The following CTNNA2 variants were observed in gnomAD, a reference collection of about 807,000 sequenced individuals.
CTNNA2 encodes the protein catenin alpha-2.
Under a neutral mutation model 101.0 loss-of-function variants are expected in CTNNA2, and 42 were observed. The ratio of observed to expected loss-of-function variants is 0.42; its 90% CI spans 0.32 to 0.54. CTNNA2 has a LOEUF of 0.54. CTNNA2 is among the 20% of genes least tolerant of loss of function. The pLI, the probability that CTNNA2 is intolerant of heterozygous loss-of-function variation, is 0.14. For missense variants in CTNNA2, 871 were observed against 1,223.1 expected, an observed-to-expected ratio of 0.71 and a Z score of 4.29; for synonymous variants, 450 against 456.4, an observed-to-expected ratio of 0.99 and a Z score of 0.18.
chr2:80,511,842 A>T (rs1688724855), intron 9 of CTNNA2, among the ~76,000 whole-genome samples: 1 of 152,128 alleles, frequency 6.6e-6, no homozygotes, highest in Non-Finnish European at 1.5e-5. Flanking sequence ...GATTTTACAA[A>T]ATCACTTCGT....
intron 7 of CTNNA2, among the ~76,000 whole-genome samples, chr2:80,126,210 C>A (rs371461997): frequency 6.6e-6 from 1 of 152,078 alleles, no homozygotes; most frequent in Non-Finnish European, 1.5e-5. Context: ...ATTTGCAAAA[C>A]TCAAATCTAA....
At chr2:80,494,848 G>T (rs1687328779) in intron 9 of CTNNA2, among the ~76,000 whole-genome samples, 1 of 150,076 alleles carries the variant, frequency 6.7e-6, no homozygotes, top group Admixed American at 6.6e-5. Context: ...CCAGTTCCAA[G>T]GCAAATGCAA....
chr2:80,142,264 G>A (rs1166098798), intron 7 of CTNNA2, among the ~76,000 whole-genome samples: 1 of 152,126 alleles, frequency 6.6e-6, no homozygotes, highest in Non-Finnish European at 1.5e-5. Flanking sequence ...ACCCTTACCT[G>A]TAAGTCATTG....
intron 7 of CTNNA2, among the ~76,000 whole-genome samples, chr2:80,392,811 G>T (rs982598214): frequency 6.6e-6 from 1 of 152,010 alleles, no homozygotes; most frequent in African/African-American, 2.4e-5. Context: ...AATCTTTTTC[G>T]ATTTAGTTTT....
chr2:79,921,217 C>T (rs1686630509), intron 7 of CTNNA2, among the ~76,000 whole-genome samples: 2 of 152,132 alleles, frequency 1.3e-5, no homozygotes, highest in African/African-American at 2.4e-5. Context: ...TTCTTATGAG[C>T]AGGCATGTTA....
chr2:79,421,399 A>G (rs942076105), intron 4 of CTNNA2, among the ~76,000 whole-genome samples: 1 of 152,184 alleles, frequency 6.6e-6, no homozygotes, highest in Non-Finnish European at 1.5e-5. Context: ...AAGAAAAAAA[A>G]TTATCCGAAA....
At chr2:79,238,638 G>A (rs1360025397) in intron 2 of CTNNA2, among the ~76,000 whole-genome samples, 2 of 152,168 alleles carry the variant, frequency 1.3e-5, no homozygotes, top group East Asian at 3.9e-4. Context: ...TGCTAATGTA[G>A]AATTTTGAGG....
At chr2:79,455,572 T>C (rs1019048085) in intron 4 of CTNNA2, among the ~76,000 whole-genome samples, 10 of 152,192 alleles carry the variant, frequency 6.6e-5, no homozygotes, top group African/African-American at 2.4e-4. Context: ...TCCCTTGTTG[T>C]TGTCTATTAC....
chr2:80,433,801 T>C (rs1241395231), intron 9 of CTNNA2, among the ~76,000 whole-genome samples: 2 of 152,212 alleles, frequency 1.3e-5, no homozygotes, highest in Non-Finnish European at 2.9e-5. Flanking sequence ...TATATGCTTG[T>C]AGATTCTAGT....
intron 9 of CTNNA2, among the ~76,000 whole-genome samples, chr2:80,484,199 G>T (rs12622669): frequency 6.6e-6 from 1 of 151,850 alleles, no homozygotes; most frequent in African/African-American, 2.4e-5. Context: ...ACTTATGTGT[G>T]GAATTCTGAA....
chr2:79,635,239 G>A (rs185202613), intron 1 of CTNNA2, among the ~76,000 whole-genome samples: 6 of 151,950 alleles, frequency 3.9e-5, no homozygotes, highest in Admixed American at 2.6e-4. Context: ...AGACCATCCC[G>A]GCTAACACGG....
intron 7 of CTNNA2, among the ~76,000 whole-genome samples, chr2:80,037,994 T>C (rs184943130): frequency 9.8e-5 from 15 of 152,302 alleles, no homozygotes; most frequent in African/African-American, 3.6e-4. Flanking sequence ...AGAGACCTAA[T>C]TGGGGGTGAT....
At chr2:79,418,185 C>T (rs1176351986) in intron 4 of CTNNA2, among the ~76,000 whole-genome samples, 4 of 151,994 alleles carry the variant, frequency 2.6e-5, no homozygotes, top group South Asian at 2.1e-4. Context: ...CTCAAAAGGC[C>T]GATCTTGGGT....
At chr2:80,639,176 G>A (rs1673178003) in intron 18 of CTNNA2, among the ~76,000 whole-genome samples, 1 of 152,066 alleles carries the variant, frequency 6.6e-6, no homozygotes, top group Admixed American at 6.6e-5. Flanking sequence ...CACTTATCAG[G>A]GATCAGTATG....
At chr2:79,375,566 T>C (rs1677961662) in intron 4 of CTNNA2, among the ~76,000 whole-genome samples, 1 of 152,120 alleles carries the variant, frequency 6.6e-6, no homozygotes, top group Admixed American at 6.6e-5. Context: ...TAAGAAATAC[T>C]GAGACCTTCA....
At chr2:79,644,185 C>T (rs1192361453) in intron 1 of CTNNA2, among the ~76,000 whole-genome samples, 2 of 152,008 alleles carry the variant, frequency 1.3e-5, no homozygotes, top group African/African-American at 2.4e-5. Context: ...TCACAGGTGG[C>T]CACCACCACA....
At chr2:79,535,699 C>G (rs1307605208) in intron 1 of CTNNA2, among the ~76,000 whole-genome samples, 1 of 151,756 alleles carries the variant, frequency 6.6e-6, no homozygotes, top group African/African-American at 2.4e-5. Context: ...GGTATGAATG[C>G]TATCAGAATT....
intron 7 of CTNNA2, among the ~76,000 whole-genome samples, chr2:80,184,604 C>G (rs1705991746): frequency 6.6e-6 from 1 of 152,088 alleles, no homozygotes; most frequent in African/African-American, 2.4e-5. Flanking sequence ...TCAAGGAGAG[C>G]CATTTTGACC....
intron 7 of CTNNA2, chr2:80,305,371 A>G (rs1676829908): frequency 1.0e-6 from 1 of 985,206 alleles, no homozygotes; most frequent in South Asian, 4.7e-5. Context: ...CCGGGGCTTC[A>G]TCAGGCTCCA....
Sources: allele counts gnomAD v4.1 joint callset (sites outside exome capture counted in the v4.1 genomes callset), GRCh38; gene constraint gnomAD v4.1.1; transcripts MANE v1.5; gene names NCBI Gene and HGNC (gene_info 2026-07-23, HGNC 2026-07-21).